ZNF26: variants seen among roughly 807,000 people sequenced by gnomAD.
The protein encoded by ZNF26 is zinc finger protein 26.
ZNF26 carries 32 observed loss-of-function variants against 54.9 expected under a neutral mutation model. That is an observed-to-expected ratio of 0.58 (90% CI 0.44 to 0.78). The LOEUF (loss-of-function observed/expected upper bound fraction) is 0.78. Ranked by LOEUF, ZNF26 falls within the 30% of genes least tolerant of loss-of-function variation. The pLI is 0.00. For synonymous variants in ZNF26, 221 were observed against 209.2 expected (o/e 1.06, Z -0.49); for missense variants, 524 against 634.0 (o/e 0.83, Z 1.86).
rs1286769910 is a variant in ZNF26 at position 133,013,602 on chromosome 12, G to A, written c.*2121G>A. On this transcript the variant is annotated 3_prime_UTR_variant, in exon 4 of 4. Coordinates refer to ENST00000328654, the MANE Select transcript of ZNF26 (RefSeq NM_019591.4). ...ATAGGAATGTCTGGGAAGAACCTGAGGACTCAGCCTAGCAAACTCTTCTGA... is the reference window on the plus strand; with the variant it reads ...ATAGGAATGTCTGGGAAGAACCTGAAGACTCAGCCTAGCAAACTCTTCTGA... The A allele has an allele frequency of 2.5e-5, 4 of 161,334 alleles. No individual in the cohort carries two copies. The South Asian group carries it at 4.8e-4, about 19-fold the overall frequency. The allele number at this position is 161,334 out of a possible 1,614,324, so 10.0% of individuals were successfully genotyped here.
At chr12:132,989,458 A>G (rs1952900367) in intron 1 of ZNF26, among the ~76,000 whole-genome samples, 1 of 152,164 alleles carries the variant, frequency 6.6e-6, no homozygotes, top group Non-Finnish European at 1.5e-5. Flanking sequence ...TAAGACCAGA[A>G]TTGTTTTGGA....
rs1045045131 is a variant in ZNF26, at chr12:133,020,506, A to G, written c.*9025A>G. On this transcript the variant is annotated 3_prime_UTR_variant, in exon 4 of 4. Transcript: ENST00000328654. ...TTTGCCTCAAAAAAGGCAAAAAAGA[A>G]GATATAATAATTATAAACATGTATG... The G allele has an allele frequency of 3.9e-5, 6 of 152,172 alleles. No homozygotes were observed. The highest frequency in any genetic ancestry group is 1.4e-4 in the African/African-American group (6 of 41,454). The allele number at this position is 152,172 out of a possible 1,614,324, so 9.4% of individuals were successfully genotyped here. A position where few individuals can be genotyped will look rare whatever the true frequency, so the allele number is the denominator to read the frequency against.
chr12:133,003,257 CT>C (rs796349481), intron 1 of ZNF26, among the ~76,000 whole-genome samples: 6,501 of 135,188 alleles, frequency 0.048, 405 homozygotes, highest in African/African-American at 0.16. Context: ...GTTCCCTTTT[CT>C]TTTTTTTTTT....
intron 1 of ZNF26, 132 bp downstream of exon 1, chr12:132,987,005 C>T (rs1952836281): frequency 2.0e-6 from 2 of 1,016,108 alleles, no homozygotes; most frequent in Admixed American, 2.4e-5. Context: ...AGACTACCCT[C>T]CCCACCAAAC....
chr12:133,020,746 C>T lies in ZNF26; in HGVS notation c.*9265C>T, dbSNP rs1953629456. Reference sequence around the variant, plus strand: ...GTTCTGGAGCCTCCATGTTTGAAATCAAGGCATTGACAGGTTTTGGTTCCT... The same window carrying T: ...GTTCTGGAGCCTCCATGTTTGAAATTAAGGCATTGACAGGTTTTGGTTCCT... On this transcript the variant is annotated 3_prime_UTR_variant, in exon 4 of 4. Transcript: ENST00000328654. 6.6e-6 allele frequency: 1 copy of T among 152,184 alleles called. No homozygotes were observed. The highest frequency in any genetic ancestry group is 2.4e-5 in the African/African-American group (1 of 41,448). The allele number at this position is 152,184 out of a possible 1,614,324, so 9.4% of individuals were successfully genotyped here.
rs1351695477 is a variant in ZNF26 at position 132,986,965 on chromosome 12, A to G, written c.33+92A>G. Reference sequence around the variant, plus strand: ...GGGTTACTCCGGGAACTGAACTCACATTCAGCTGTAATTGTGTGCGTAGTT... The same window carrying G: ...GGGTTACTCCGGGAACTGAACTCACGTTCAGCTGTAATTGTGTGCGTAGTT... On this transcript the variant is annotated intron_variant, in intron 1 of 3. Coordinates refer to ENST00000328654, the MANE Select transcript of ZNF26 (RefSeq NM_019591.4). The G allele has an allele frequency of 4.3e-6, 6 of 1,383,274 alleles. No individual in the cohort carries two copies. In the Admixed American group the frequency reaches 7.9e-5, roughly 18 times the overall value. 85.7% of individuals were successfully genotyped at this position (1,383,274 alleles called of 1,614,324 possible).
intron 1 of ZNF26, among the ~76,000 whole-genome samples, chr12:133,000,510 C>T (rs886679348): frequency 1.9e-4 from 29 of 151,300 alleles, no homozygotes; most frequent in African/African-American, 5.1e-4. Context: ...CTGCAAGCTC[C>T]GCCTCCAGGG....
In ZNF26 at chr12:133,010,328, C is replaced by T; in HGVS notation, c.449C>T (p.Pro150Leu). ...APSRSYLRKN[P>L]DKFHGYEEPY... is the part of the protein sequence containing the mutation. Reference sequence around the variant, plus strand: ...AGCAGAAGTTATTTAAGAAAGAATCCTGATAAGTTTCATGGTTATGAAGAA... The same window carrying T: ...AGCAGAAGTTATTTAAGAAAGAATCTTGATAAGTTTCATGGTTATGAAGAA... Residue 150 changes from proline to leucine, a missense_variant, in exon 4 of 4, where the codon CCT (proline) becomes CTT (leucine). Pro to Leu is a moderately conservative substitution (Grantham distance 98). Coordinates refer to ENST00000328654, the MANE Select transcript of ZNF26 (RefSeq NM_019591.4). The T allele has an allele frequency of 6.2e-7, 1 of 1,613,866 alleles. No individual in the cohort carries two copies. Among genetic ancestry groups the T allele is most frequent in the Non-Finnish European group, 8.5e-7 (1 of 1,179,990 alleles).
intron 1 of ZNF26, among the ~76,000 whole-genome samples, chr12:132,990,274 C>T (rs898556130): frequency 5.3e-5 from 8 of 152,028 alleles, no homozygotes; most frequent in South Asian, 2.1e-4. Context: ...GGTGACAGAG[C>T]GAGACCCTGT....
In ZNF26 at chr12:133,021,225, T is replaced by A. The variant is rs1335590572; in HGVS notation, c.*9744T>A. The A allele has an allele frequency of 6.6e-6, 1 of 151,276 alleles. No homozygotes were observed. Among genetic ancestry groups the A allele is most frequent in the African/African-American group, 2.4e-5 (1 of 41,228 alleles). 9.4% of individuals were successfully genotyped at this position (151,276 alleles called of 1,614,324 possible). A position where few individuals can be genotyped will look rare whatever the true frequency, so the allele number is the denominator to read the frequency against. On this transcript the variant is annotated 3_prime_UTR_variant, in exon 4 of 4. Transcript: ENST00000328654. ...CCTCTGCCTCCCGGGTTCAAGTGAT[T>A]CTCCAGCCTCAGCCTCCTGGGTTCA...
chr12:133,004,517 G>A (rs1457352599), intron 1 of ZNF26: 1 of 151,876 alleles, frequency 6.6e-6, no homozygotes, highest in Admixed American at 6.6e-5. Context: ...ACAGAGTCTG[G>A]TTCTGTTGCC....
At chr12:133,007,759 T>C (rs775690851) in intron 3 of ZNF26, among the ~76,000 whole-genome samples, 35 of 152,224 alleles carry the variant, frequency 2.3e-4, no homozygotes, top group African/African-American at 5.8e-4. Context: ...CATGCCCCTC[T>C]TTCCTGAACT....
In ZNF26 at chr12:133,026,105, C is replaced by T. The variant is rs1953700586; in HGVS notation, c.*14624C>T. 6.6e-6 allele frequency: 1 copy of T among 151,538 alleles called. No homozygotes were observed. The highest frequency in any genetic ancestry group is 1.5e-5 in the Non-Finnish European group (1 of 67,982). The allele number at this position is 151,538 out of a possible 1,614,324, so 9.4% of individuals were successfully genotyped here. ...CAGGAAACTATTAGATATAATAAGT[C>T]ACTTTTTTTTTTTTTTGAGATGCAC... On this transcript the variant is annotated 3_prime_UTR_variant, in exon 4 of 4. Transcript: ENST00000328654.
At chr12:133,007,859 C>T (rs1313436481) in intron 3 of ZNF26, among the ~76,000 whole-genome samples, 3 of 152,048 alleles carry the variant, frequency 2.0e-5, no homozygotes, top group Non-Finnish European at 4.4e-5. Flanking sequence ...ATTTCTTTTT[C>T]CCCTCACTTG....
intron 1 of ZNF26, chr12:133,004,480 A>G (rs1034642062): frequency 6.6e-6 from 1 of 151,802 alleles, no homozygotes; most frequent in Non-Finnish European, 1.5e-5. Flanking sequence ...TGTTGTCTCT[A>G]TAGGGTGTAA....
intron 1 of ZNF26, among the ~76,000 whole-genome samples, chr12:132,999,296 C>G (rs1186032391): frequency 1.3e-5 from 2 of 152,140 alleles, no homozygotes; most frequent in Non-Finnish European, 2.9e-5. Context: ...TCTTTGTTGC[C>G]CAGGCTTGAG....
intron 3 of ZNF26, 33 bp downstream of exon 3, chr12:133,007,565 A>G: frequency 6.5e-7 from 1 of 1,530,010 alleles, no homozygotes. Context: ...GGTGGGAGGC[A>G]TGGGAGTGAG....
chr12:133,005,684 A>T (rs1016892278), intron 1 of ZNF26: 12 of 152,324 alleles, frequency 7.9e-5, no homozygotes, highest in Admixed American at 6.5e-4. Context: ...CAGGGCCCCT[A>T]TGATGGGATT....
Position 133,001,780 on chromosome 12 carries a change from T to C in ZNF26, c.34-5262T>C, listed in dbSNP as rs1036211017. The C allele has an allele frequency of 3.6e-5, 40 of 1,126,360 alleles. No individual in the cohort carries two copies. Among genetic ancestry groups the C allele is most frequent in the Non-Finnish European group, 4.5e-5 (38 of 841,388 alleles). 69.8% of individuals were successfully genotyped at this position (1,126,360 alleles called of 1,614,324 possible). ...CTGTTTGAGGTGAGCTGCTGAACCCTCACTCCCCAGCTGCCTTTTGAGAGT... is the reference window on the plus strand; with the variant it reads ...CTGTTTGAGGTGAGCTGCTGAACCCCCACTCCCCAGCTGCCTTTTGAGAGT... On this transcript the variant is annotated intron_variant, in intron 1 of 3. Coordinates refer to ENST00000328654, the MANE Select transcript of ZNF26 (RefSeq NM_019591.4). The surrounding 1 kb of genome is among the most constrained non-coding windows in gnomAD (Gnocchi z 4.7).
Sources: gnomAD v4.1 joint callset for allele counts (sites outside exome capture counted in the v4.1 genomes callset) on GRCh38, gnomAD v4.1.1 for gene constraint, Gnocchi (gnomAD v3.1) non-coding constraint, MANE v1.5 for transcripts, NCBI Gene and HGNC (gene_info 2026-07-23, HGNC 2026-07-21) for gene names.